Variants in CD109 observed in about 807,000 individuals in gnomAD.
CD109 encodes CD109 molecule, also known as CD109 antigen.
Under a neutral mutation model 165.8 loss-of-function variants are expected in CD109, and 149 were observed. That is an observed-to-expected ratio of 0.90 (90% CI 0.79 to 1.03). The LOEUF (loss-of-function observed/expected upper bound fraction) is 1.03, where lower values mean the gene tolerates loss of function less well. Among genes scored for constraint, CD109 ranks in the 50% least tolerant of loss-of-function variants. The pLI is 0.00. For missense variants in CD109, 1,712 were observed against 1,677.8 expected (o/e 1.02, Z -0.36); for synonymous variants, 585 against 592.1 (o/e 0.99, Z 0.18).
chr6:73,730,643 T>C, intron 4 of CD109, 69 bp downstream of exon 4: 3 of 952,264 alleles, frequency 3.2e-6, no homozygotes, highest in Non-Finnish European at 4.8e-6. Flanking sequence ...GAAGTTCTGC[T>C]TGTGTTACTG....
intron 27 of CD109, among the ~76,000 whole-genome samples, chr6:73,810,533 ATTTTC>A (rs1775716722): frequency 6.6e-6 from 1 of 151,826 alleles, no homozygotes; most frequent in African/African-American, 2.4e-5. Context: ...AATATTTTCT[ATTTTC>A]TTTTCTTCTT....
intron 5 of CD109, among the ~76,000 whole-genome samples, chr6:73,744,322 A>G (rs1772900365): frequency 6.6e-6 from 1 of 152,224 alleles, no homozygotes; most frequent in Non-Finnish European, 1.5e-5. Context: ...ATGAGTGAAT[A>G]GAGCTTCTTC....
At chr6:73,708,715 A>G (rs1161020225) in intron 2 of CD109, among the ~76,000 whole-genome samples, 1 of 152,178 alleles carries the variant, frequency 6.6e-6, no homozygotes, top group Non-Finnish European at 1.5e-5. Flanking sequence ...ATGGTATCTC[A>G]TTGTGGTTTT....
intron 4 of CD109, among the ~76,000 whole-genome samples, chr6:73,733,334 C>T (rs1227128321): frequency 2.6e-5 from 4 of 152,180 alleles, no homozygotes; most frequent in African/African-American, 9.7e-5. Context: ...CTAGAAATGG[C>T]TGCAGGATGT....
At chr6:73,775,518 T>G (rs534749247) in intron 15 of CD109, among the ~76,000 whole-genome samples, 6 of 152,172 alleles carry the variant, frequency 3.9e-5, no homozygotes, top group African/African-American at 1.4e-4. Flanking sequence ...GTTTATCTAT[T>G]TATTTATTTA....
upstream of CD109, among the ~76,000 whole-genome samples, chr6:73,692,291 C>T (rs1445253597): frequency 6.6e-6 from 1 of 152,102 alleles, no homozygotes; most frequent in African/African-American, 2.4e-5. Context: ...ATTAGGTTTT[C>T]ATGCAATAAG....
upstream of CD109, among the ~76,000 whole-genome samples, chr6:73,691,894 T>C (rs377470448): frequency 3.3e-5 from 5 of 152,118 alleles, no homozygotes; most frequent in South Asian, 8.3e-4. Context: ...TTCCACAGGC[T>C]ATATAGGAAG....
At chr6:73,791,132 C>CAT (rs1163631661) in intron 22 of CD109, among the ~76,000 whole-genome samples, 141 of 46,656 alleles carry the variant, frequency 3.0e-3, no homozygotes, top group East Asian at 0.02. Context: ...TATATACATA[C>CAT]ATACATATAT....
chr6:73,790,412 T>G (rs1424410073), intron 22 of CD109, among the ~76,000 whole-genome samples: 1 of 152,170 alleles, frequency 6.6e-6, no homozygotes, highest in African/African-American at 2.4e-5. Flanking sequence ...TACTTTTTAA[T>G]TAGACATAGT....
intron 28 of CD109, among the ~76,000 whole-genome samples, chr6:73,811,900 G>C (rs1775770115): frequency 6.6e-6 from 1 of 152,144 alleles, no homozygotes; most frequent in Admixed American, 6.6e-5. Flanking sequence ...GGTCAGGGGA[G>C]GGAGATGACT....
chr6:73,776,378 G>A (rs2118331), intron 15 of CD109, among the ~76,000 whole-genome samples: 3 of 148,446 alleles, frequency 2.0e-5, no homozygotes, highest in Non-Finnish European at 4.5e-5. Context: ...TCAGCCTCCC[G>A]AGTAGCTGGG....
intron 5 of CD109, among the ~76,000 whole-genome samples, chr6:73,750,486 T>G (rs935539252): frequency 5.3e-5 from 8 of 152,054 alleles, no homozygotes; most frequent in Admixed American, 2.0e-4. Context: ...CTGAGAAAGG[T>G]GACAGGCGGT....
chr6:73,783,404 T>G (rs1774576442), intron 18 of CD109, among the ~76,000 whole-genome samples: 1 of 152,232 alleles, frequency 6.6e-6, no homozygotes, highest in Admixed American at 6.5e-5. Flanking sequence ...TTTGAAAATG[T>G]GTATTTATTA....
rs549571388 is a variant in CD109 at position 73,713,833 on chromosome 6, G to A, written c.248-9418G>A. Among the ~76,000 whole-genome samples the A allele has an allele frequency of 8.3e-4, 127 of 152,212 alleles. 1 individual carries two copies. The South Asian group carries it at 0.011, about 13-fold the overall frequency. On this transcript the variant is annotated intron_variant, in intron 2 of 32. Coordinates refer to ENST00000287097, the MANE Select transcript of CD109 (RefSeq NM_133493.5). Reference sequence around the variant, plus strand: ...CTTGGCCTCCAATTAGTCAATCTCCGAGAGCCTCATTTGGATTGTAGACTC... The same window carrying A: ...CTTGGCCTCCAATTAGTCAATCTCCAAGAGCCTCATTTGGATTGTAGACTC...
chr6:73,772,828 ATTTAG>A (rs1263089375), intron 15 of CD109, among the ~76,000 whole-genome samples: 2 of 151,890 alleles, frequency 1.3e-5, no homozygotes, highest in African/African-American at 4.8e-5. Flanking sequence ...ATATTGTAAA[ATTTAG>A]TTTACTTCAG....
At chr6:73,781,049 C>T (rs368111700) in intron 16 of CD109, among the ~76,000 whole-genome samples, 1 of 145,638 alleles carries the variant, frequency 6.9e-6, no homozygotes, top group Non-Finnish European at 1.5e-5. Flanking sequence ...TGGGCATGTG[C>T]GTGTGTGTGT....
Position 73,825,707 on chromosome 6 carries a change from C to T in CD109, c.*2074C>T, listed in dbSNP as rs1405637350. 3 of 152,200 alleles carry T rather than the reference C, an allele frequency of 2.0e-5. No individual in the cohort carries two copies. The highest frequency in any genetic ancestry group is 2.4e-5 in the African/African-American group (1 of 41,426). The allele number at this position is 152,200 out of a possible 1,614,324, so 9.4% of individuals were successfully genotyped here. On this transcript the variant is annotated 3_prime_UTR_variant, in exon 33 of 33. Transcript: ENST00000287097. ...TAAAGGTCACCTCGTAGGCCAGGCG[C>T]AGTGGCTCATGCCTGTAATCCCAGC...
At chr6:73,755,648 T>C (rs1243938976) in intron 5 of CD109, among the ~76,000 whole-genome samples, 1 of 152,120 alleles carries the variant, frequency 6.6e-6, no homozygotes, top group African/African-American at 2.4e-5. Context: ...GCTACCTTGA[T>C]TTAGAATGAG....
chr6:73,753,960 CT>C (rs1467313840), intron 5 of CD109, among the ~76,000 whole-genome samples: 5 of 152,258 alleles, frequency 3.3e-5, no homozygotes, highest in Non-Finnish European at 5.9e-5. Context: ...AGGTTCTGTG[CT>C]CTCAAGGATT....
Sources: gnomAD v4.1 joint callset for allele counts (sites outside exome capture counted in the v4.1 genomes callset) on GRCh38, gnomAD v4.1.1 for gene constraint, MANE v1.5 for transcripts, NCBI Gene and HGNC (gene_info 2026-07-23, HGNC 2026-07-21) for gene names.